MYO10: variants seen among roughly 807,000 people sequenced by gnomAD.
MYO10 encodes the protein myosin X, also known as unconventional myosin-X.
Under a neutral mutation model 257.3 loss-of-function variants are expected in MYO10, and 133 were observed. That is an observed-to-expected ratio of 0.52 (90% CI 0.45 to 0.60). MYO10 has a LOEUF of 0.60. Among genes scored for constraint, MYO10 ranks in the 20% least tolerant of loss-of-function variants. MYO10 has a pLI of 0.00. For missense variants in MYO10, 2,399 were observed against 2,635.7 expected (o/e 0.91, Z 1.97); for synonymous variants, 1,104 against 1,028.6 (o/e 1.07, Z -1.40).
intron 17 of MYO10, 88 bp downstream of exon 17, chr5:16,761,376 G>A: frequency 9.7e-7 from 1 of 1,033,830 alleles, no homozygotes; most frequent in South Asian, 1.3e-5. Flanking sequence ...TTACATAACA[G>A]CAATTTGTTC....
intron 19 of MYO10, among the ~76,000 whole-genome samples, chr5:16,727,393 T>C (rs1168524719): frequency 2.0e-5 from 3 of 152,192 alleles, no homozygotes; most frequent in South Asian, 2.1e-4. Flanking sequence ...TTTGTATAAA[T>C]ACACTGTCAG....
intron 9 of MYO10, among the ~76,000 whole-genome samples, chr5:16,779,147 T>C (rs1157120955): frequency 4.6e-5 from 7 of 152,200 alleles, no homozygotes; most frequent in Non-Finnish European, 1.0e-4. Flanking sequence ...GGCAGATTTG[T>C]TATTAGCTAT....
chr5:16,763,386 TGTGC>T, intron 14 of MYO10, 91 bp downstream of exon 14: 3 of 918,404 alleles, frequency 3.3e-6, no homozygotes, highest in Non-Finnish European at 5.4e-6. Flanking sequence ...ACATCGTTGA[TGTGC>T]GTGTTCGTGC....
chr5:16,859,381 C>T (rs1437458505), intron 2 of MYO10, among the ~76,000 whole-genome samples: 2 of 151,990 alleles, frequency 1.3e-5, no homozygotes, highest in Admixed American at 1.3e-4. Context: ...TCATGAGGGG[C>T]CCACCCTCAT....
chr5:16,662,314 C>CTTTTTTTTTTTTTTTTTTTTTT lies in MYO10; in HGVS notation c.*4377_*4378insAAAAAAAAAAAAAAAAAAAAAA, dbSNP rs1199270809. 5.3e-4 allele frequency: 21 copies of CTTTTTTTTTTTTTTTTTTTTTT among 39,612 alleles called. No homozygotes were observed. Among genetic ancestry groups the CTTTTTTTTTTTTTTTTTTTTTT allele is most frequent in the Non-Finnish European group, 7.6e-4 (16 of 20,938 alleles). The allele number at this position is 39,612 out of a possible 1,614,324, so 2.5% of individuals were successfully genotyped here. A position where few individuals can be genotyped will look rare whatever the true frequency, so the allele number is the denominator to read the frequency against. On this transcript the variant is annotated 3_prime_UTR_variant, in exon 41 of 41. Coordinates refer to ENST00000513610, the MANE Select transcript of MYO10 (RefSeq NM_012334.3). ...AAAAGTGCTGTCTTAGATTTCTGAA[C>CTTTTTTTTTTTTTTTTTTTTTT]TATTTTTTTTTTTTTTTTTTTTTTT...
At chr5:16,715,392 A>AATT (rs1554038580) in intron 19 of MYO10, among the ~76,000 whole-genome samples, 2 of 84,342 alleles carry the variant, frequency 2.4e-5, no homozygotes, top group South Asian at 4.3e-4. Flanking sequence ...TAAGATTGAA[A>AATT]TTTTTTTTTT....
chr5:16,821,879 A>T (rs995799256), intron 2 of MYO10, among the ~76,000 whole-genome samples: 1 of 151,610 alleles, frequency 6.6e-6, no homozygotes, highest in African/African-American at 2.4e-5. Flanking sequence ...TCATGACGGG[A>T]GACAATCGCT....
intron 1 of MYO10, among the ~76,000 whole-genome samples, chr5:16,906,300 G>A (rs899656602): frequency 4.6e-5 from 7 of 152,130 alleles, no homozygotes; most frequent in South Asian, 2.1e-4. Flanking sequence ...CCTTCAGCTC[G>A]AGGGTCTAAA....
intron 6 of MYO10, among the ~76,000 whole-genome samples, chr5:16,781,065 C>G (rs889778138): frequency 3.5e-4 from 53 of 150,740 alleles, no homozygotes; most frequent in African/African-American, 1.2e-3. Flanking sequence ...AAATACGGTT[C>G]TTTATTTCAC....
chr5:16,861,205 G>C (rs1455327260), intron 2 of MYO10, among the ~76,000 whole-genome samples: 1 of 145,624 alleles, frequency 6.9e-6, no homozygotes, highest in Non-Finnish European at 1.5e-5. Flanking sequence ...ACAAGACTAG[G>C]GAACATTTTT....
At chr5:16,929,340 T>A (rs1746234222) in intron 1 of MYO10, among the ~76,000 whole-genome samples, 1 of 152,142 alleles carries the variant, frequency 6.6e-6, no homozygotes, top group Non-Finnish European at 1.5e-5. Context: ...TTTCCTAAAC[T>A]CCCATGCAGT....
At chr5:16,889,493 A>AG (rs1744986344) in intron 1 of MYO10, among the ~76,000 whole-genome samples, 2 of 51,300 alleles carry the variant, frequency 3.9e-5, no homozygotes, top group African/African-American at 1.4e-4. Context: ...GAAGGAAGGA[A>AG]GGAAGGAAGG....
intron 19 of MYO10, among the ~76,000 whole-genome samples, chr5:16,732,659 G>T (rs931721268): frequency 6.6e-6 from 1 of 152,086 alleles, no homozygotes; most frequent in African/African-American, 2.4e-5. Context: ...GCACTTACAC[G>T]ATCACTAAGG....
At chr5:16,926,007 T>C (rs564828759) in intron 1 of MYO10, among the ~76,000 whole-genome samples, 3 of 152,308 alleles carry the variant, frequency 2.0e-5, no homozygotes, top group East Asian at 1.9e-4. Flanking sequence ...TAACTGATTG[T>C]ACATTTCAAA....
chr5:16,774,271 G>A (rs1741147531), intron 9 of MYO10, among the ~76,000 whole-genome samples: 1 of 152,156 alleles, frequency 6.6e-6, no homozygotes, highest in Non-Finnish European at 1.5e-5. Context: ...GAAACAAAGG[G>A]AGGAGTGTCA....
At chr5:16,752,568 G>A (rs1740408885) in intron 19 of MYO10, among the ~76,000 whole-genome samples, 1 of 152,224 alleles carries the variant, frequency 6.6e-6, no homozygotes, top group African/African-American at 2.4e-5. Context: ...TTACAGGCGT[G>A]AGCCACCACG....
intron 1 of MYO10, among the ~76,000 whole-genome samples, chr5:16,908,020 G>T (rs1580138846): frequency 6.6e-6 from 1 of 152,208 alleles, no homozygotes; most frequent in South Asian, 2.1e-4. Flanking sequence ...ATCACTTGAG[G>T]TAAGGAGTTT....
At chr5:16,864,679 A>G (rs1744193039) in intron 2 of MYO10, among the ~76,000 whole-genome samples, 1 of 152,242 alleles carries the variant, frequency 6.6e-6, no homozygotes, top group Non-Finnish European at 1.5e-5. Flanking sequence ...GCACATGTTT[A>G]GCCTGGAGCT....
At chr5:16,758,323 C>A (rs927540892) in intron 17 of MYO10, 97 bp from the exon 18 acceptor site, 2 of 837,858 alleles carry the variant, frequency 2.4e-6, no homozygotes, top group African/African-American at 3.3e-5. Flanking sequence ...AATGATAATT[C>A]AAAGTAATAC....
Sources: allele counts gnomAD v4.1 joint callset (sites outside exome capture counted in the v4.1 genomes callset), GRCh38; gene constraint gnomAD v4.1.1; transcripts MANE v1.5; gene names NCBI Gene and HGNC (gene_info 2026-07-23, HGNC 2026-07-21).